The following TMEM178B variants were observed in gnomAD, a reference collection of about 807,000 sequenced individuals.
TMEM178B encodes transmembrane protein 178B.
A neutral mutation model predicts 31.0 loss-of-function variants in TMEM178B; 5 were observed. That is an observed-to-expected ratio of 0.16 (90% CI 0.08 to 0.34). The LOEUF (loss-of-function observed/expected upper bound fraction) is 0.34. TMEM178B is among the 10% of genes least tolerant of loss of function. The pLI is 1.00. For missense variants in TMEM178B, 275 were observed against 400.3 expected (o/e 0.69, Z 2.67); for synonymous variants, 164 against 164.0 (o/e 1.00, Z 0.00).
rs6951380 is a variant in TMEM178B, at chr7:141,153,426, G to A, written c.383-59165G>A. ...TTTTGTTGTTATAAATAATGCCATG[G>A]TAAGCAACTTTGTTCAGGCATCTTT... is the stretch of plus-strand genomic sequence containing the variant. On this transcript the variant is annotated intron_variant, in intron 1 of 3. Transcript: ENST00000565468. Among the ~76,000 whole-genome samples, 1,353 of 152,260 alleles carry A rather than the reference G, an allele frequency of 8.9e-3. 24 individuals are homozygous for A. Among genetic ancestry groups the A allele is most frequent in the African/African-American group, 0.029 (1,199 of 41,552 alleles).
intron 1 of TMEM178B, among the ~76,000 whole-genome samples, chr7:141,200,720 G>T (rs1048106182): frequency 6.6e-6 from 1 of 152,196 alleles, no homozygotes; most frequent in Admixed American, 6.5e-5. Context: ...AACAGTGTGG[G>T]CAAGGTCTCT....
chr7:141,146,928 G>C (rs1335334136), intron 1 of TMEM178B, among the ~76,000 whole-genome samples: 1 of 152,294 alleles, frequency 6.6e-6, no homozygotes, highest in Admixed American at 6.5e-5. Flanking sequence ...ATCACCATCT[G>C]TCTGTGTCTT....
intron 2 of TMEM178B, among the ~76,000 whole-genome samples, chr7:141,266,065 G>A (rs369860943): frequency 6.6e-6 from 1 of 152,206 alleles, no homozygotes; most frequent in East Asian, 1.9e-4. Flanking sequence ...GAGCACATCA[G>A]CTCTTCTGGC....
intron 2 of TMEM178B, among the ~76,000 whole-genome samples, chr7:141,346,657 CT>C (rs962305002): frequency 2.5e-4 from 37 of 148,180 alleles, no homozygotes; most frequent in Admixed American, 6.1e-4. Flanking sequence ...TAATTCTTTG[CT>C]TTTTTTTTTG....
At chr7:141,388,304 G>A (rs1419096593) in intron 2 of TMEM178B, among the ~76,000 whole-genome samples, 3 of 152,090 alleles carry the variant, frequency 2.0e-5, no homozygotes, top group South Asian at 4.2e-4. Context: ...GTCAGGCTTC[G>A]AATGGAGACA....
intron 1 of TMEM178B, among the ~76,000 whole-genome samples, chr7:141,090,274 C>T (rs1175213661): frequency 6.6e-6 from 1 of 152,194 alleles, no homozygotes; most frequent in Non-Finnish European, 1.5e-5. Context: ...CAGCTTTGAA[C>T]TATGACCTCA....
the TMEM178B span, among the ~76,000 whole-genome samples, chr7:141,509,544 G>A: frequency 6.6e-6 from 1 of 152,158 alleles, no homozygotes; most frequent in African/African-American, 2.4e-5. Flanking sequence ...CAGCTACTCA[G>A]GAGGCTGAGG....
At chr7:141,238,083 G>T (rs866382594) in intron 2 of TMEM178B, among the ~76,000 whole-genome samples, 20 of 151,800 alleles carry the variant, frequency 1.3e-4, no homozygotes, top group African/African-American at 4.4e-4. Flanking sequence ...CACAGTTTGG[G>T]ACTGTAAAAC....
chr7:141,201,696 G>A (rs1796879542), intron 1 of TMEM178B, among the ~76,000 whole-genome samples: 2 of 152,158 alleles, frequency 1.3e-5, no homozygotes, highest in South Asian at 2.1e-4. Context: ...GACTTAAGAC[G>A]TCAGATGCGG....
chr7:141,207,290 AT>A (rs1796982187), intron 1 of TMEM178B, among the ~76,000 whole-genome samples: 1 of 152,132 alleles, frequency 6.6e-6, no homozygotes, highest in Admixed American at 6.5e-5. Context: ...TGAGATAGTG[AT>A]TTCAATTGTT....
rs896342778 is a variant in TMEM178B at position 141,149,362 on chromosome 7, T to A, written c.383-63229T>A. ...GCTTGAGCTCAGGAGTTCAAGCTCA[T>A]GGGAAAACCCCATCTCTACTAAAAA... On this transcript the variant is annotated intron_variant, in intron 1 of 3. Transcript: ENST00000565468. Among the ~76,000 whole-genome samples, 3 of 152,128 alleles carry A rather than the reference T, an allele frequency of 2.0e-5. No individual in the cohort carries two copies. In the East Asian group the frequency reaches 5.8e-4, roughly 29 times the overall value.
rs893804077 is a variant in TMEM178B at position 141,169,632 on chromosome 7, C to T, written c.383-42959C>T. ...ATCCACATGCTTGCTTGTAGCATTT[C>T]CTCAGTATTTATGGAGAAAATAATC... is the stretch of plus-strand genomic sequence containing the variant. On this transcript the variant is annotated intron_variant, in intron 1 of 3. Transcript: ENST00000565468. Among the ~76,000 whole-genome samples, 7 of 152,312 alleles carry T rather than the reference C, an allele frequency of 4.6e-5. No homozygotes were observed. In the Middle Eastern group the frequency reaches 0.01, roughly 222 times the overall value.
intron 2 of TMEM178B, among the ~76,000 whole-genome samples, chr7:141,380,597 A>G (rs983293922): frequency 6.6e-6 from 1 of 152,146 alleles, no homozygotes; most frequent in Non-Finnish European, 1.5e-5. Context: ...GGAAAAAAGA[A>G]TTCTATGTCC....
At chr7:141,184,679 A>G (rs962263969) in intron 1 of TMEM178B, among the ~76,000 whole-genome samples, 1 of 152,132 alleles carries the variant, frequency 6.6e-6, no homozygotes, top group Non-Finnish European at 1.5e-5. Flanking sequence ...GGGCTATGAC[A>G]TCAATTCCCA....
chr7:141,225,024 G>C (rs1162485762), intron 2 of TMEM178B, among the ~76,000 whole-genome samples: 1 of 152,210 alleles, frequency 6.6e-6, no homozygotes, highest in Admixed American at 6.5e-5. Context: ...TCCTTGCAGG[G>C]AGGTCTGGAA....
chr7:141,192,892 T>C (rs1796720327), intron 1 of TMEM178B, among the ~76,000 whole-genome samples: 1 of 152,254 alleles, frequency 6.6e-6, no homozygotes, highest in Non-Finnish European at 1.5e-5. Context: ...GAAGTCCTAA[T>C]TCCCAGGGGG....
At chr7:141,243,633 C>T (rs938223416) in intron 2 of TMEM178B, among the ~76,000 whole-genome samples, 3 of 152,108 alleles carry the variant, frequency 2.0e-5, no homozygotes, top group African/African-American at 7.2e-5. Context: ...CTTCCTCCTT[C>T]TCAAATCCAG....
rs1799051390 is a variant in TMEM178B at position 141,318,944 on chromosome 7, AT to A, written c.496+106241del. Among the ~76,000 whole-genome samples the A allele has an allele frequency of 6.6e-6, 1 of 152,236 alleles. No individual in the cohort carries two copies. Among genetic ancestry groups the A allele is most frequent in the Non-Finnish European group, 1.5e-5 (1 of 68,042 alleles). Reference sequence around the variant, plus strand: ...TATGAGATATTTCTGCCAAAAAAAAATGAACAATTTTTACCAAGTTTCAAGT... The same window carrying A: ...TATGAGATATTTCTGCCAAAAAAAAAGAACAATTTTTACCAAGTTTCAAGT... On this transcript the variant is annotated intron_variant, in intron 2 of 3. Coordinates refer to ENST00000565468, the MANE Select transcript of TMEM178B (RefSeq NM_001195278.2). The surrounding 1 kb of genome is among the most constrained non-coding windows in gnomAD (Gnocchi z 4.1).
rs541534864 is a variant in TMEM178B at position 141,303,013 on chromosome 7, T to C, written c.496+90309T>C. Among the ~76,000 whole-genome samples the C allele has an allele frequency of 2.0e-5, 3 of 152,314 alleles. No individual in the cohort carries two copies. The East Asian group carries it at 5.8e-4, about 29-fold the overall frequency. The stretch of plus-strand genomic sequence containing the variant: ...GGGTTCATTAATTCACATATAGGAG[T>C]TCCAGGGGGAGAAATGTTGTCCTAA... On this transcript the variant is annotated intron_variant, in intron 2 of 3. Coordinates refer to ENST00000565468, the MANE Select transcript of TMEM178B (RefSeq NM_001195278.2).
Sources: allele counts gnomAD v4.1 joint callset (sites outside exome capture counted in the v4.1 genomes callset), GRCh38; gene constraint gnomAD v4.1.1; non-coding constraint Gnocchi (gnomAD v3.1); transcripts MANE v1.5; gene names NCBI Gene and HGNC (gene_info 2026-07-23, HGNC 2026-07-21).